The following PAICS variants were observed in gnomAD, a reference collection of about 807,000 sequenced individuals.
The protein encoded by PAICS is bifunctional phosphoribosylaminoimidazole carboxylase/phosphoribosylaminoimidazole succinocarboxamide synthetase.
In PAICS, 33 loss-of-function variants were observed where a neutral mutation model predicts 53.7. The ratio of observed to expected loss-of-function variants is 0.61; its 90% CI spans 0.47 to 0.82. The LOEUF (loss-of-function observed/expected upper bound fraction) is 0.82. PAICS is among the 40% of genes least tolerant of loss of function. The pLI, the probability that PAICS is intolerant of heterozygous loss-of-function variation, is 0.00. For missense variants in PAICS, 394 were observed against 494.1 expected (o/e 0.80, Z 1.92); for synonymous variants, 141 against 167.2 (o/e 0.84, Z 1.21).
In PAICS at chr4:56,450,660, A is replaced by C; in HGVS notation, c.729A>C (p.Gln243His). 6.5e-7 allele frequency: 1 copy of C among 1,546,518 alleles called. No individual in the cohort carries two copies. Among genetic ancestry groups the C allele is most frequent in the Non-Finnish European group, 8.8e-7 (1 of 1,138,056 alleles). ...AAGAAGTAACTCCTGAAGGGCTCCA[A>C]ATGGTAAAGAAAAACTTTGAGTGGG... ...DLKEVTPEGL[Q>H]MVKKNFEWVA... The change falls in exon 6 of 9, where the codon CAA becomes CAC. Residue 243 changes from glutamine to histidine, a missense_variant. Gln to His is a conservative substitution (Grantham distance 24). Around this residue, in one of 3 missense-constraint regions of PAICS, gnomAD observed 131 missense variants for 205.5 expected, o/e 0.64. Coordinates refer to ENST00000512576, the MANE Select transcript of PAICS (RefSeq NM_001079524.2).
At position 56,462,256 on chromosome 4, in the gene PAICS, TG is replaced by T; in HGVS notation, c.*2719del. 6.6e-6 allele frequency: 1 copy of T among 152,336 alleles called. No homozygotes were observed. Among genetic ancestry groups the T allele is most frequent in the Middle Eastern group, 3.4e-3 (1 of 294 alleles). The allele number at this position is 152,336 out of a possible 1,614,324, so 9.4% of individuals were successfully genotyped here. On this transcript the variant is annotated 3_prime_UTR_variant, in exon 9 of 9. Coordinates refer to ENST00000512576, the MANE Select transcript of PAICS (RefSeq NM_001079524.2). ...ATACTAAGGGAATGGGAAATAAAGC[TG>T]AGTTTTGCCTTGAGGACCTCCAAAC...
At chr4:56,454,769 T>A (rs1553942713) in intron 8 of PAICS, among the ~76,000 whole-genome samples, 1 of 152,190 alleles carries the variant, frequency 6.6e-6, no homozygotes, top group Non-Finnish European at 1.5e-5. Flanking sequence ...CAAGTTTAGA[T>A]ATTTTTTTCC....
At chr4:56,436,708 C>T (rs898108096) in intron 1 of PAICS, 3 of 448,492 alleles carry the variant, frequency 6.7e-6, no homozygotes, top group Middle Eastern at 3.3e-4. Flanking sequence ...AAAGACCTGT[C>T]TAGAGGCCGG....
chr4:56,422,456 TA>T, the PAICS span: 2 of 130,952 alleles, frequency 1.5e-5, no homozygotes, highest in Admixed American at 1.6e-4. Context: ...ACACATAAAA[TA>T]ATATTCTGGT....
chr4:56,449,403 T>C (rs1386968236), intron 5 of PAICS, among the ~76,000 whole-genome samples: 1 of 152,156 alleles, frequency 6.6e-6, no homozygotes, highest in Non-Finnish European at 1.5e-5. Context: ...ATAGGAACGC[T>C]TTTACACTGT....
the PAICS span, among the ~76,000 whole-genome samples, chr4:56,419,256 A>C: frequency 6.6e-6 from 1 of 152,244 alleles, no homozygotes; most frequent in African/African-American, 2.4e-5. Flanking sequence ...CATTTTCTTA[A>C]GTAATTACTG....
At chr4:56,456,114 C>T (rs1327155530) in intron 8 of PAICS, among the ~76,000 whole-genome samples, 4 of 152,098 alleles carry the variant, frequency 2.6e-5, no homozygotes, top group East Asian at 3.9e-4. Context: ...TTTCTTGAGA[C>T]GGAGTCGGGC....
In PAICS at chr4:56,448,832, T is replaced by C; in HGVS notation, c.687+9T>C. On this transcript the variant is annotated intron_variant, in intron 5 of 8. Transcript: ENST00000512576. ...AACAGAAAGACAAACAGGTAGATAATGCTTCAGGTTTTTTTATCCTTTTTG... is the reference window on the plus strand; with the variant it reads ...AACAGAAAGACAAACAGGTAGATAACGCTTCAGGTTTTTTTATCCTTTTTG... 1.4e-6 allele frequency: 2 copies of C among 1,411,790 alleles called. No homozygotes were observed. The highest frequency in any genetic ancestry group is 2.0e-6 in the Non-Finnish European group (2 of 1,011,594). 87.5% of individuals were successfully genotyped at this position (1,411,790 alleles called of 1,614,324 possible). A position where few individuals can be genotyped will look rare whatever the true frequency, so the allele number is the denominator to read the frequency against.
At chr4:56,454,325 T>C (rs1719081101) in intron 8 of PAICS, among the ~76,000 whole-genome samples, 1 of 152,144 alleles carries the variant, frequency 6.6e-6, no homozygotes, top group Non-Finnish European at 1.5e-5. Context: ...TGGTGGAAAT[T>C]GGGCCTGTGA....
rs547430476 is a variant in PAICS, at chr4:56,464,341, T to C, written c.*4803T>C. On this transcript the variant is annotated 3_prime_UTR_variant, in exon 9 of 9. Coordinates refer to ENST00000512576, the MANE Select transcript of PAICS (RefSeq NM_001079524.2). ...AGAGGCAGACAATTTCAAAACACCG[T>C]ATATAGTCTTAATATGGAATTAACA... The C allele has an allele frequency of 3.9e-5, 6 of 152,312 alleles. No homozygotes were observed. In the East Asian group the frequency reaches 9.6e-4, roughly 24 times the overall value. The allele number at this position is 152,312 out of a possible 1,614,324, so 9.4% of individuals were successfully genotyped here.
the PAICS span, chr4:56,425,433 T>C: frequency 5.4e-6 from 5 of 933,686 alleles, no homozygotes; most frequent in Non-Finnish European, 6.4e-6. Context: ...CTTACAAATG[T>C]GAAAAAAGAA....
chr4:56,435,518 C>A (rs1202950686), upstream of PAICS: 3 of 1,612,112 alleles, frequency 1.9e-6, no homozygotes, highest in African/African-American at 2.7e-5. Flanking sequence ...CCGCTGCGGC[C>A]AAGGTGTAAG....
chr4:56,447,144 A>AT (rs1413153898), intron 3 of PAICS, among the ~76,000 whole-genome samples: 1 of 151,792 alleles, frequency 6.6e-6, no homozygotes, highest in Non-Finnish European at 1.5e-5. Context: ...CATTTAGTTA[A>AT]TTTTTTTAAA....
At chr4:56,410,670 T>A in the PAICS span, 2 of 986,054 alleles carry the variant, frequency 2.0e-6, no homozygotes, top group South Asian at 4.7e-5. Flanking sequence ...TCATTAGGAG[T>A]ATACAGAGAC....
chr4:56,449,991 A>G (rs1264864142), intron 5 of PAICS, among the ~76,000 whole-genome samples: 1 of 151,926 alleles, frequency 6.6e-6, no homozygotes, highest in African/African-American at 2.4e-5. Flanking sequence ...AAAAAAAAGA[A>G]AGAAAAAGAA....
At chr4:56,425,754 A>T in the PAICS span, among the ~76,000 whole-genome samples, 1,745 of 152,290 alleles carry the variant, frequency 0.011, 33 homozygotes, top group African/African-American at 0.04. Flanking sequence ...GCTTTGTGCC[A>T]GTGTGACCTC....
upstream of PAICS, chr4:56,431,493 C>T: frequency 1.0e-6 from 1 of 979,156 alleles, no homozygotes; most frequent in Non-Finnish European, 1.2e-6. Flanking sequence ...AGCGTAATAA[C>T]AGAACCAAAA....
At chr4:56,434,558 C>T (rs1717793564), upstream of PAICS, among the ~76,000 whole-genome samples, 1 of 152,136 alleles carries the variant, frequency 6.6e-6, no homozygotes, top group Non-Finnish European at 1.5e-5. Flanking sequence ...GAAAGGATCT[C>T]CCAATTTTTC....
chr4:56,446,310 C>T (rs546431367), intron 2 of PAICS: 30 of 716,024 alleles, frequency 4.2e-5, no homozygotes, highest in South Asian at 4.2e-4. Context: ...ACTCCTCAGC[C>T]CTTGGTAACT....
Sources: allele counts gnomAD v4.1 joint callset (sites outside exome capture counted in the v4.1 genomes callset), GRCh38; gene constraint gnomAD v4.1.1; regional missense constraint gnomAD v4.1.1; transcripts MANE v1.5; gene names NCBI Gene and HGNC (gene_info 2026-07-23, HGNC 2026-07-21).